ZC3H7B: variants seen among roughly 807,000 people sequenced by gnomAD.
ZC3H7B encodes the protein zinc finger CCCH domain-containing protein 7B.
In ZC3H7B, 35 loss-of-function variants were observed where a neutral mutation model predicts 116.0. That is an observed-to-expected ratio of 0.30 (90% CI 0.23 to 0.40). The LOEUF is 0.40. Ranked by LOEUF, ZC3H7B falls within the 10% of genes least tolerant of loss-of-function variation. The pLI is 1.00. For missense variants in ZC3H7B, 1,011 were observed against 1,321.5 expected (o/e 0.77, Z 3.64); for synonymous variants, 502 against 545.6 (o/e 0.92, Z 1.11).
At chr22:41,305,227 C>T (rs1452510412) in intron 1 of ZC3H7B, among the ~76,000 whole-genome samples, 5 of 152,022 alleles carry the variant, frequency 3.3e-5, no homozygotes, top group Admixed American at 6.6e-5. Flanking sequence ...TACCTGTAAT[C>T]GCAGCTACTT....
Position 41,338,438 on chromosome 22 carries a change from C to G in ZC3H7B, c.625+83C>G. 1 of 1,478,748 alleles carries G rather than the reference C, an allele frequency of 6.8e-7. No individual in the cohort carries two copies. Among genetic ancestry groups the G allele is most frequent in the Non-Finnish European group, 9.3e-7 (1 of 1,074,236 alleles). The allele number at this position is 1,478,748 out of a possible 1,614,324, so 91.6% of individuals were successfully genotyped here. A position where few individuals can be genotyped will look rare whatever the true frequency, so the allele number is the denominator to read the frequency against. ...GTCGAGCCCCCTCCCCATCCCAGCCCTGTAGATGGGAGGGCCTCCGAGGGG... is the reference window on the plus strand; with the variant it reads ...GTCGAGCCCCCTCCCCATCCCAGCCGTGTAGATGGGAGGGCCTCCGAGGGG... On this transcript the variant is annotated intron_variant, in intron 8 of 22. Coordinates refer to ENST00000352645, the MANE Select transcript of ZC3H7B (RefSeq NM_017590.6). This position sits in a 1 kb window ranked among gnomAD's most constrained non-coding sequence, Gnocchi z 4.5.
intron 1 of ZC3H7B, among the ~76,000 whole-genome samples, chr22:41,307,208 C>T (rs1359718868): frequency 6.6e-6 from 1 of 151,934 alleles, no homozygotes; most frequent in African/African-American, 2.4e-5. Flanking sequence ...GAACTCCTGA[C>T]CTCGTGATCC....
chr22:41,341,883 G>A (rs950936847), intron 11 of ZC3H7B, among the ~76,000 whole-genome samples: 1 of 152,122 alleles, frequency 6.6e-6, no homozygotes, highest in Admixed American at 6.6e-5. Context: ...CCAACATGGT[G>A]ATACCCCGTC....
chr22:41,345,955 G>A (rs1260483299), intron 13 of ZC3H7B, 48 bp from the exon 14 acceptor site: 1 of 1,600,426 alleles, frequency 6.2e-7, no homozygotes, highest in African/African-American at 1.3e-5. Flanking sequence ...GGTGCTGCGG[G>A]CTGCTATCCC....
intron 6 of ZC3H7B, among the ~76,000 whole-genome samples, chr22:41,330,762 A>G (rs1411337047): frequency 1.3e-5 from 2 of 151,910 alleles, no homozygotes; most frequent in East Asian, 1.9e-4. Context: ...ATCAACATGT[A>G]GAAACCCCAT....
intron 1 of ZC3H7B, among the ~76,000 whole-genome samples, chr22:41,313,514 C>T (rs975566708): frequency 1.3e-5 from 2 of 152,168 alleles, no homozygotes; most frequent in Non-Finnish European, 2.9e-5. Flanking sequence ...GGGAAATGGA[C>T]AACCTTGAAG....
At chr22:41,305,716 T>A (rs2036032877) in intron 1 of ZC3H7B, among the ~76,000 whole-genome samples, 1 of 151,984 alleles carries the variant, frequency 6.6e-6, no homozygotes, top group Non-Finnish European at 1.5e-5. Context: ...TCCCTGAGCG[T>A]GGGGATCTGA....
intron 6 of ZC3H7B, among the ~76,000 whole-genome samples, chr22:41,331,230 C>T (rs1463162406): frequency 2.1e-5 from 3 of 141,448 alleles, no homozygotes; most frequent in Admixed American, 7.1e-5. Flanking sequence ...GCCTGGGCAA[C>T]GAGCGAAACT....
At chr22:41,304,264 A>T (rs1345958654) in intron 1 of ZC3H7B, among the ~76,000 whole-genome samples, 1 of 147,956 alleles carries the variant, frequency 6.8e-6, no homozygotes, top group Non-Finnish European at 1.5e-5. Flanking sequence ...TCACTCTGTT[A>T]CCCAGGCTGG....
intron 7 of ZC3H7B, 46 bp downstream of exon 7, chr22:41,332,273 G>C (rs376507325): frequency 1.9e-6 from 3 of 1,609,844 alleles, no homozygotes; most frequent in African/African-American, 2.7e-5. Context: ...TCCATTATGA[G>C]AGGTTTGGAT....
At chr22:41,356,556 G>C in intron 21 of ZC3H7B, 80 bp downstream of exon 21, 2 of 1,608,874 alleles carry the variant, frequency 1.2e-6, no homozygotes, top group East Asian at 4.5e-5. Context: ...AGCCTGGAGG[G>C]CCCAGCCGGC....
chr22:41,355,695 C>T, intron 18 of ZC3H7B, 62 bp from the exon 19 acceptor site: 1 of 1,611,590 alleles, frequency 6.2e-7, no homozygotes, highest in Non-Finnish European at 8.5e-7. Context: ...GGGCTCTCCA[C>T]AGAGGTCACA....
In ZC3H7B at chr22:41,349,232, C is replaced by T. The variant is rs147676229; in HGVS notation, c.1879C>T (p.Arg627Trp). Residue 627 changes from arginine to tryptophan, a missense_variant, in exon 16 of 23, where the codon CGG (arginine) becomes TGG (tryptophan). Coordinates refer to ENST00000352645, the MANE Select transcript of ZC3H7B (RefSeq NM_017590.6). This position sits in a 1 kb window ranked among gnomAD's most constrained non-coding sequence, Gnocchi z 4.9. The stretch of plus-strand genomic sequence containing the variant: ...CCATGAGGTGCGCTACGGCTGCCTG[C>T]GGGAGGACAGCTGCCACTTCGCCCA... ...CRHEVRYGCL[R>W]EDSCHFAHSF... The T allele has an allele frequency of 1.8e-5, 29 of 1,613,340 alleles. No individual in the cohort carries two copies. In the South Asian group the frequency reaches 2.7e-4, roughly 15 times the overall value.
chr22:41,354,242 C>T (rs141322432), intron 17 of ZC3H7B, among the ~76,000 whole-genome samples: 11 of 152,362 alleles, frequency 7.2e-5, no homozygotes, highest in Non-Finnish European at 1.3e-4. Context: ...CTTCCTCTCA[C>T]GCTTCTTGTG....
rs746678633 is a variant in ZC3H7B at position 41,340,033 on chromosome 22, C to T, written c.1034C>T (p.Thr345Met). Residue 345 changes from threonine (T) to methionine (M), a missense_variant, in exon 10 of 23, where the codon ACG (threonine) becomes ATG (methionine). Thr to Met is a moderately conservative substitution (Grantham distance 81, BLOSUM62 -1). Transcript: ENST00000352645. ...GATGCCCTCGATCCCCCGGGCCCCACGCTGGACCCCCTGGACCTGCTGCCG... is the reference window on the plus strand; with the variant it reads ...GATGCCCTCGATCCCCCGGGCCCCATGCTGGACCCCCTGGACCTGCTGCCG... ...VLDALDPPGP[T>M]LDPLDLLPYS... The T allele has an allele frequency of 9.9e-6, 16 of 1,611,388 alleles. No individual in the cohort carries two copies. Among genetic ancestry groups the T allele is most frequent in the Non-Finnish European group, 1.4e-5 (16 of 1,180,000 alleles).
chr22:41,346,268 C>A lies in ZC3H7B; in HGVS notation c.1665+60C>A. 1 of 1,566,094 alleles carries A rather than the reference C, an allele frequency of 6.4e-7. No homozygotes were observed. Among genetic ancestry groups the A allele is most frequent in the South Asian group, 1.1e-5 (1 of 88,468 alleles). On this transcript the variant is annotated intron_variant, in intron 14 of 22. Coordinates refer to ENST00000352645, the MANE Select transcript of ZC3H7B (RefSeq NM_017590.6). This position sits in a 1 kb window ranked among gnomAD's most constrained non-coding sequence, Gnocchi z 5.3. ...CATGGCACAGACAGGGCTGGGGATGCTCCCTGGCACGGACCACCATAGGAA... is the reference window on the plus strand; with the variant it reads ...CATGGCACAGACAGGGCTGGGGATGATCCCTGGCACGGACCACCATAGGAA...
chr22:41,340,580 G>C (rs1378595862), intron 10 of ZC3H7B, among the ~76,000 whole-genome samples: 1 of 152,160 alleles, frequency 6.6e-6, no homozygotes, highest in Admixed American at 6.5e-5. Flanking sequence ...TCGGCAGTCG[G>C]ACACAGCCCA....
At chr22:41,328,270 C>T (rs556939699) in intron 5 of ZC3H7B, among the ~76,000 whole-genome samples, 3 of 152,302 alleles carry the variant, frequency 2.0e-5, no homozygotes, top group African/African-American at 7.2e-5. Context: ...CGCACCACAG[C>T]GGATAGAAAG....
chr22:41,339,442 G>A (rs1215853488), intron 9 of ZC3H7B, among the ~76,000 whole-genome samples: 4 of 152,010 alleles, frequency 2.6e-5, no homozygotes, highest in African/African-American at 7.2e-5. Flanking sequence ...CCTGGCCAAC[G>A]TGGTGAAACC....
Sources: gnomAD v4.1 joint callset for allele counts (sites outside exome capture counted in the v4.1 genomes callset) on GRCh38, gnomAD v4.1.1 for gene constraint, Gnocchi (gnomAD v3.1) non-coding constraint, MANE v1.5 for transcripts, NCBI Gene and HGNC (gene_info 2026-07-23, HGNC 2026-07-21) for gene names.